The following CNTN5 variants were observed in gnomAD, a reference collection of about 807,000 sequenced individuals.
CNTN5 encodes the protein contactin 5, also known as contactin-5.
A neutral mutation model predicts 129.1 loss-of-function variants in CNTN5; 77 were observed. The observed-to-expected ratio is 0.60, with a 90% CI of 0.50 to 0.72. CNTN5 has a LOEUF of 0.72. CNTN5 is among the 30% of genes least tolerant of loss of function. CNTN5 has a pLI of 0.00. For synonymous variants in CNTN5, 509 were observed against 465.6 expected, an observed-to-expected ratio of 1.09 and a Z score of -1.20; for missense variants, 1,478 against 1,328.8, an observed-to-expected ratio of 1.11 and a Z score of -1.75.
At chr11:99,847,983 C>T (rs1469063333) in intron 6 of CNTN5, among the ~76,000 whole-genome samples, 2 of 152,150 alleles carry the variant, frequency 1.3e-5, no homozygotes, top group Admixed American at 6.5e-5. Flanking sequence ...GCAGCCGAGG[C>T]GGGCGGATCA....
intron 4 of CNTN5, among the ~76,000 whole-genome samples, chr11:99,834,721 C>T (rs879725116): frequency 3.9e-5 from 6 of 152,078 alleles, no homozygotes; most frequent in Non-Finnish European, 8.8e-5. Context: ...TTTCTCCATT[C>T]CATATTGTTT....
intron 4 of CNTN5, among the ~76,000 whole-genome samples, chr11:99,833,269 A>G (rs1947202949): frequency 6.6e-6 from 1 of 152,180 alleles, no homozygotes; most frequent in Non-Finnish European, 1.5e-5. Context: ...ATCCTAGGAC[A>G]GGACTCTATA....
At chr11:99,624,707 T>C (rs902160849) in intron 3 of CNTN5, among the ~76,000 whole-genome samples, 34 of 152,196 alleles carry the variant, frequency 2.2e-4, no homozygotes, top group African/African-American at 8.2e-4. Flanking sequence ...AGAAGCACCC[T>C]GCCACAGGCA....
intron 1 of CNTN5, among the ~76,000 whole-genome samples, chr11:99,102,046 G>C (rs536272328): frequency 1.3e-5 from 2 of 152,110 alleles, no homozygotes; most frequent in African/African-American, 2.4e-5. Flanking sequence ...TCTTGATTTT[G>C]TGTGCCTACA....
intron 16 of CNTN5, among the ~76,000 whole-genome samples, chr11:100,241,630 C>T (rs1015362453): frequency 3.9e-5 from 6 of 152,156 alleles, no homozygotes; most frequent in South Asian, 2.1e-4. Context: ...AGTCTTCAAA[C>T]GACAATCACA....
At chr11:100,185,831 C>G (rs1468501014) in intron 13 of CNTN5, among the ~76,000 whole-genome samples, 1 of 152,156 alleles carries the variant, frequency 6.6e-6, no homozygotes, top group Non-Finnish European at 1.5e-5. Flanking sequence ...ATCTGCAAGC[C>G]AGGAAGACAG....
chr11:100,008,357 C>T (rs538988705), intron 9 of CNTN5, among the ~76,000 whole-genome samples: 2 of 152,126 alleles, frequency 1.3e-5, no homozygotes, highest in South Asian at 2.1e-4. Context: ...ATAATGTGTG[C>T]CAGTACCTTC....
intron 2 of CNTN5, among the ~76,000 whole-genome samples, chr11:99,343,254 T>C (rs774449012): frequency 7.2e-5 from 11 of 152,178 alleles, no homozygotes; most frequent in Non-Finnish European, 1.5e-4. Flanking sequence ...ATATGTATGT[T>C]CTCAGATGTT....
At chr11:99,689,270 G>A (rs966471404) in intron 3 of CNTN5, among the ~76,000 whole-genome samples, 1 of 152,026 alleles carries the variant, frequency 6.6e-6, no homozygotes, top group African/African-American at 2.4e-5. Context: ...GCTCACGCCT[G>A]TAATCCCAGC....
chr11:99,401,228 C>T (rs1465707311), intron 2 of CNTN5, among the ~76,000 whole-genome samples: 2 of 152,086 alleles, frequency 1.3e-5, no homozygotes, highest in African/African-American at 4.8e-5. Context: ...AAATTTAAGT[C>T]TTTGATCCAT....
chr11:99,225,758 A>C (rs1324958256), intron 1 of CNTN5, among the ~76,000 whole-genome samples: 1 of 152,216 alleles, frequency 6.6e-6, no homozygotes, highest in African/African-American at 2.4e-5. Flanking sequence ...ATGGTTGAAA[A>C]TATAGATGAA....
intron 3 of CNTN5, among the ~76,000 whole-genome samples, chr11:99,707,102 G>C (rs1488176398): frequency 1.3e-5 from 2 of 151,306 alleles, no homozygotes; most frequent in African/African-American, 2.4e-5. Flanking sequence ...CCTCCTCTCT[G>C]TTATCTTCTG....
At chr11:99,957,550 A>G (rs566109559) in intron 8 of CNTN5, among the ~76,000 whole-genome samples, 1 of 152,182 alleles carries the variant, frequency 6.6e-6, no homozygotes, top group Non-Finnish European at 1.5e-5. Flanking sequence ...TATCCAAAGT[A>G]TCTTCAAATT....
intron 1 of CNTN5, among the ~76,000 whole-genome samples, chr11:99,138,899 T>C (rs935302933): frequency 2.6e-5 from 4 of 152,206 alleles, no homozygotes; most frequent in Admixed American, 2.6e-4. Flanking sequence ...ACTTTTTCTT[T>C]CTCTGTTCTC....
At chr11:99,579,908 C>T (rs1002823759) in intron 3 of CNTN5, among the ~76,000 whole-genome samples, 6 of 149,580 alleles carry the variant, frequency 4.0e-5, no homozygotes, top group South Asian at 2.1e-4. Context: ...TGTCTTGTGC[C>T]AGTTTTCAAA....
Position 99,881,574 on chromosome 11 carries a change from G to T in CNTN5, c.578-34480G>T, listed in dbSNP as rs1217475196. Reference sequence around the variant, plus strand: ...TACAATATGTCAAAAGGGATTTAAGGGCTATTTAAACATTTTAAAAACTTG... The same window carrying T: ...TACAATATGTCAAAAGGGATTTAAGTGCTATTTAAACATTTTAAAAACTTG... On this transcript the variant is annotated intron_variant, in intron 6 of 24. Transcript: ENST00000524871. 2.0e-5 allele frequency among the ~76,000 whole-genome samples: 3 copies of T among 152,164 alleles called. No individual in the cohort carries two copies. The East Asian group carries it at 5.8e-4, about 29-fold the overall frequency.
intron 1 of CNTN5, among the ~76,000 whole-genome samples, chr11:99,207,769 A>C (rs78595677): frequency 1.8e-4 from 27 of 152,180 alleles, no homozygotes; most frequent in Non-Finnish European, 3.2e-4. Context: ...TCTAACTTTA[A>C]AAAGTAGTCT....
intron 3 of CNTN5, among the ~76,000 whole-genome samples, chr11:99,801,364 T>G (rs1439937896): frequency 1.3e-5 from 2 of 152,204 alleles, no homozygotes; most frequent in African/African-American, 4.8e-5. Flanking sequence ...GCCTTTAATT[T>G]TTTTCCTTAG....
chr11:99,222,503 T>C (rs891240068), intron 1 of CNTN5, among the ~76,000 whole-genome samples: 3 of 152,066 alleles, frequency 2.0e-5, no homozygotes, highest in South Asian at 2.1e-4. Flanking sequence ...ATGATTAAAA[T>C]AGAATTTTCA....
Sources: allele counts gnomAD v4.1 joint callset (sites outside exome capture counted in the v4.1 genomes callset), GRCh38; gene constraint gnomAD v4.1.1; transcripts MANE v1.5; gene names NCBI Gene and HGNC (gene_info 2026-07-23, HGNC 2026-07-21).